ICA1: variants seen among roughly 807,000 people sequenced by gnomAD.
The protein encoded by ICA1 is islet cell autoantigen 1, also known as 69 kDa islet cell autoantigen.
Under a neutral mutation model 71.0 loss-of-function variants are expected in ICA1, and 40 were observed. That is an observed-to-expected ratio of 0.56 (90% CI 0.44 to 0.73). The LOEUF (loss-of-function observed/expected upper bound fraction) is 0.73. Among genes scored for constraint, ICA1 ranks in the 30% least tolerant of loss-of-function variants. The probability of loss-of-function intolerance (pLI) is 0.00; values close to 1 mark genes in which losing one functional copy is unlikely to be tolerated. For missense variants in ICA1, 578 were observed against 576.5 expected (o/e 1.00, Z -0.03); for synonymous variants, 207 against 209.5 (o/e 0.99, Z 0.10).
intron 6 of ICA1, among the ~76,000 whole-genome samples, chr7:8,162,999 G>C (rs1804469151): frequency 6.6e-6 from 1 of 152,140 alleles, no homozygotes; most frequent in East Asian, 1.9e-4. Context: ...TGTGACCTCA[G>C]AAAATCCGCC....
intron 12 of ICA1, among the ~76,000 whole-genome samples, chr7:8,134,593 C>T (rs545692740): frequency 5.3e-5 from 8 of 152,138 alleles, no homozygotes; most frequent in Non-Finnish European, 8.8e-5. Context: ...CACACGCTTG[C>T]AGTACAGATG....
At chr7:8,133,783 T>A (rs1305990736) in intron 12 of ICA1, among the ~76,000 whole-genome samples, 1 of 151,772 alleles carries the variant, frequency 6.6e-6, no homozygotes, top group Non-Finnish European at 1.5e-5. Flanking sequence ...AAAACTTCTC[T>A]ACTTGCCATT....
intron 6 of ICA1, among the ~76,000 whole-genome samples, chr7:8,203,478 G>A (rs944277546): frequency 6.6e-6 from 1 of 152,154 alleles, no homozygotes; most frequent in East Asian, 1.9e-4. Context: ...ATGGTGCTCT[G>A]AGAAAGTATT....
chr7:8,249,076 G>A (rs756329702), intron 1 of ICA1, among the ~76,000 whole-genome samples: 17 of 152,174 alleles, frequency 1.1e-4, no homozygotes, highest in African/African-American at 3.6e-4. Context: ...AGACTTTTGC[G>A]GCTATTTGTA....
At chr7:8,194,903 T>G (rs1271090028) in intron 6 of ICA1, among the ~76,000 whole-genome samples, 1 of 152,192 alleles carries the variant, frequency 6.6e-6, no homozygotes, top group Non-Finnish European at 1.5e-5. Context: ...TCAAAAAATT[T>G]TTTTATGTTG....
intron 8 of ICA1, 187 bp downstream of exon 8, chr7:8,156,929 T>TAAAA (rs67144473): frequency 1.3e-6 from 2 of 1,519,688 alleles, no homozygotes; most frequent in Non-Finnish European, 1.8e-6. Flanking sequence ...CCTGATGCAG[T>TAAAA]AAAAAAAAAA....
intron 6 of ICA1, among the ~76,000 whole-genome samples, chr7:8,189,606 A>T (rs1459286995): frequency 6.6e-6 from 1 of 152,164 alleles, no homozygotes; most frequent in Non-Finnish European, 1.5e-5. Context: ...AGGCCAGGCC[A>T]CAAAAGCCTA....
chr7:8,220,776 G>A (rs1480308508), intron 5 of ICA1, among the ~76,000 whole-genome samples: 1 of 152,024 alleles, frequency 6.6e-6, no homozygotes, highest in Non-Finnish European at 1.5e-5. Context: ...TCTGGGGTAG[G>A]GCCTACATTC....
rs531872403 is a variant in ICA1 at position 8,186,023 on chromosome 7, A to G, written c.580-27371T>C. On this transcript the variant is annotated intron_variant, in intron 6 of 13. Coordinates refer to ENST00000402384, the MANE Select transcript of ICA1 (RefSeq NM_001136020.3). ...TAAATAATCATGATACACATTAGGA[A>G]GTGTTAGGTGGCAAAAGAGTGGTTG... Among the ~76,000 whole-genome samples the G allele has an allele frequency of 3.3e-5, 5 of 152,334 alleles. No homozygotes were observed. The East Asian group carries it at 7.7e-4, about 24-fold the overall frequency.
chr7:8,235,972 GA>G lies in ICA1; in HGVS notation c.-47del. The G allele has an allele frequency of 1.3e-6, 2 of 1,591,514 alleles. No individual in the cohort carries two copies. The highest frequency in any genetic ancestry group is 1.7e-6 in the Non-Finnish European group (2 of 1,164,966). On this transcript the variant is annotated 5_prime_UTR_variant, in exon 2 of 14. An upstream open reading frame in the 5' UTR loses its in-frame stop. Transcript: ENST00000402384. ...TTGATGATTTGGGGAGAAGGGGCAG[GA>G]AAAAAGCATGAGAGGATAAGTTATA...
chr7:8,230,924 G>A lies in ICA1; in HGVS notation c.183+1666C>T, dbSNP rs536730355. 2.0e-5 allele frequency among the ~76,000 whole-genome samples: 3 copies of A among 152,306 alleles called. No homozygotes were observed. The South Asian group carries it at 6.2e-4, about 32-fold the overall frequency. On this transcript the variant is annotated intron_variant, in intron 3 of 13. Transcript: ENST00000402384. ...GGTACTTATTGAATGTGTATTCTAT[G>A]TGTGGCTGGGGATACGTCGTGAATA...
At chr7:8,161,629 T>A (rs1004848909) in intron 6 of ICA1, among the ~76,000 whole-genome samples, 9 of 152,144 alleles carry the variant, frequency 5.9e-5, no homozygotes, top group Non-Finnish European at 8.8e-5. Context: ...GCTGACCAGC[T>A]GGAGGGGGGT....
rs75791295 is a variant in ICA1, at chr7:8,142,624, A to T, written c.903-807T>A. Reference sequence around the variant, plus strand: ...TCTCACCTCTTACTACACAAGAGTAAGTGGGCAGCCCCTTAACCTTCCGGA... The same window carrying T: ...TCTCACCTCTTACTACACAAGAGTATGTGGGCAGCCCCTTAACCTTCCGGA... On this transcript the variant is annotated intron_variant, in intron 9 of 13. Coordinates refer to ENST00000402384, the MANE Select transcript of ICA1 (RefSeq NM_001136020.3). Among the ~76,000 whole-genome samples, 908 of 152,348 alleles carry T rather than the reference A, an allele frequency of 6.0e-3. 7 individuals are homozygous for T. The highest frequency in any genetic ancestry group is 0.02 in the Middle Eastern group (6 of 294).
At chr7:8,188,569 G>A (rs1272050122) in intron 6 of ICA1, among the ~76,000 whole-genome samples, 2 of 152,146 alleles carry the variant, frequency 1.3e-5, no homozygotes, top group African/African-American at 4.8e-5. Flanking sequence ...TGAGTGTGGA[G>A]TAAGGGTGGA....
At chr7:8,202,146 C>T (rs1013068340) in intron 6 of ICA1, among the ~76,000 whole-genome samples, 1 of 152,226 alleles carries the variant, frequency 6.6e-6, no homozygotes, top group East Asian at 1.9e-4. Context: ...ACAACAGAGG[C>T]TTCTTAACCT....
At chr7:8,196,282 T>G (rs1278211711) in intron 6 of ICA1, among the ~76,000 whole-genome samples, 1 of 152,172 alleles carries the variant, frequency 6.6e-6, no homozygotes, top group Non-Finnish European at 1.5e-5. Flanking sequence ...ATGATTCCAA[T>G]TATATGACAT....
intron 6 of ICA1, 29 bp downstream of exon 6, chr7:8,218,276 C>G (rs776833869): frequency 3.1e-6 from 5 of 1,599,186 alleles, no homozygotes; most frequent in Non-Finnish European, 3.4e-6. Flanking sequence ...GCAGGTACCC[C>G]TTCTGCTAAC....
intron 6 of ICA1, among the ~76,000 whole-genome samples, chr7:8,217,010 T>C (rs1795618927): frequency 6.6e-6 from 1 of 152,244 alleles, no homozygotes; most frequent in African/African-American, 2.4e-5. Context: ...ATTAGAAAGT[T>C]AGAAAACTTC....
Position 8,223,126 on chromosome 7 carries a change from A to T in ICA1, c.257-1728T>A, listed in dbSNP as rs1445406596. Among the ~76,000 whole-genome samples, 2 of 152,206 alleles carry T rather than the reference A, an allele frequency of 1.3e-5. No individual in the cohort carries two copies. Among genetic ancestry groups the T allele is most frequent in the African/African-American group, 4.8e-5 (2 of 41,448 alleles). On this transcript the variant is annotated intron_variant, in intron 4 of 13. Transcript: ENST00000402384. This position sits in a 1 kb window ranked among gnomAD's most constrained non-coding sequence, Gnocchi z 4.1. The stretch of plus-strand genomic sequence containing the variant: ...AAGAAGGTTTTTTGTTTTTTAATAC[A>T]TTCCATTCCTTCTCCTCCCCACTGA...
Sources: gnomAD v4.1 joint callset for allele counts (sites outside exome capture counted in the v4.1 genomes callset) on GRCh38, gnomAD v4.1.1 for gene constraint, Gnocchi (gnomAD v3.1) non-coding constraint, MANE v1.5 for transcripts, NCBI Gene and HGNC (gene_info 2026-07-23, HGNC 2026-07-21) for gene names.